The following PTPRN2 variants were observed in gnomAD, a reference collection of about 807,000 sequenced individuals.
PTPRN2 encodes the protein protein tyrosine phosphatase receptor type N2, also known as receptor-type tyrosine-protein phosphatase N2.
PTPRN2 carries 74 observed loss-of-function variants against 118.8 expected under a neutral mutation model. The ratio of observed to expected loss-of-function variants is 0.62; its 90% confidence interval spans 0.52 to 0.76. PTPRN2 has a LOEUF of 0.76. PTPRN2 is among the 30% of genes least tolerant of loss of function. PTPRN2 has a pLI of 0.00. For missense variants in PTPRN2, 1,481 were observed against 1,394.4 expected, an observed-to-expected ratio of 1.06 and a Z score of -0.99; for synonymous variants, 641 against 608.0, an observed-to-expected ratio of 1.05 and a Z score of -0.80.
intron 11 of PTPRN2, among the ~76,000 whole-genome samples, chr7:157,996,653 C>A (rs990237828): frequency 3.3e-5 from 5 of 152,232 alleles, no homozygotes; most frequent in African/African-American, 1.2e-4. Context: ...TAACTGAGAA[C>A]AGGGTCAGGG....
intron 12 of PTPRN2, among the ~76,000 whole-genome samples, chr7:157,815,125 C>T (rs73513226): frequency 2.0e-5 from 3 of 152,248 alleles, no homozygotes; most frequent in African/African-American, 4.8e-5. Flanking sequence ...GCTGGGCCTG[C>T]ATGACCGGTT....
rs958675754 is a variant in PTPRN2 at position 157,868,114 on chromosome 7, C to T, written c.1788+30559G>A. 1.3e-5 allele frequency among the ~76,000 whole-genome samples: 2 copies of T among 152,226 alleles called. No individual in the cohort carries two copies. Among genetic ancestry groups the T allele is most frequent in the East Asian group, 3.8e-4 (2 of 5,202 alleles). ...CATGCACCTTAGAAAGGGCCCGAAACAGTTCACGAGTGGGGTGTGGGCTGT... is the reference window on the plus strand; with the variant it reads ...CATGCACCTTAGAAAGGGCCCGAAATAGTTCACGAGTGGGGTGTGGGCTGT... On this transcript the variant is annotated intron_variant, in intron 12 of 22. Transcript: ENST00000389418. This position sits in a 1 kb window ranked among gnomAD's most constrained non-coding sequence, Gnocchi z 5.2.
At chr7:158,270,795 GGACCACCCCCTCACCTGGA>G (rs1563067418) in intron 3 of PTPRN2, among the ~76,000 whole-genome samples, 1,093 of 71,430 alleles carry the variant, frequency 0.015, 121 homozygotes, top group Middle Eastern at 0.025. Context: ...CCCTCCACCT[GGACCACCCCCTCACCTGGA>G]CCGCCCCCTC....
intron 7 of PTPRN2, among the ~76,000 whole-genome samples, chr7:158,136,957 C>T (rs1234463349): frequency 1.3e-5 from 2 of 151,800 alleles, no homozygotes; most frequent in Non-Finnish European, 2.9e-5. Flanking sequence ...CTCTGGGGGT[C>T]TCACGTGATC....
intron 4 of PTPRN2, among the ~76,000 whole-genome samples, chr7:158,198,598 G>C (rs1318196128): frequency 1.3e-5 from 2 of 152,218 alleles, no homozygotes; most frequent in Non-Finnish European, 2.9e-5. Flanking sequence ...TGTTGTCCCT[G>C]TTCCTGCCTC....
At chr7:158,080,314 CAAAAAAAAAAAAA>C (rs556546951) in intron 11 of PTPRN2, among the ~76,000 whole-genome samples, 3 of 72,226 alleles carry the variant, frequency 4.2e-5, no homozygotes, top group African/African-American at 1.2e-4. Context: ...CAAATTTAAG[CAAAAAAAAAAAAA>C]AAAAAAAAAA....
intron 12 of PTPRN2, among the ~76,000 whole-genome samples, chr7:157,722,501 C>T (rs1057150355): frequency 9.9e-5 from 15 of 152,170 alleles, no homozygotes; most frequent in Non-Finnish European, 2.1e-4. Flanking sequence ...TGCAGACGAG[C>T]AGTGAATGAA....
At chr7:158,296,192 T>C (rs1433457306) in intron 3 of PTPRN2, among the ~76,000 whole-genome samples, 4 of 152,036 alleles carry the variant, frequency 2.6e-5, no homozygotes, top group Non-Finnish European at 5.9e-5. Flanking sequence ...CCTGAGACCC[T>C]AGCAGGCAGA....
intron 12 of PTPRN2, among the ~76,000 whole-genome samples, chr7:157,711,725 G>C (rs10250901): frequency 0.67 from 101,194 of 151,398 alleles, 33,984 homozygotes; most frequent in South Asian, 0.78. Context: ...CCTGGTCTCC[G>C]TCACTGGGAC....
chr7:158,475,084 C>T (rs1820144194), intron 2 of PTPRN2, among the ~76,000 whole-genome samples: 1 of 152,202 alleles, frequency 6.6e-6, no homozygotes, highest in African/African-American at 2.4e-5. Context: ...AGTCTCCAAC[C>T]TTCTCATGCA....
chr7:157,922,435 C>A (rs1339796528), intron 11 of PTPRN2, among the ~76,000 whole-genome samples: 1 of 152,122 alleles, frequency 6.6e-6, no homozygotes, highest in African/African-American at 2.4e-5. Context: ...TGAGACCACA[C>A]CTGCGGCAAA....
intron 10 of PTPRN2, among the ~76,000 whole-genome samples, chr7:158,109,651 CACCCCTGTGTGAAAGGCTCAGTGAGTG>C (rs1169213589): frequency 2.6e-5 from 4 of 151,178 alleles, no homozygotes; most frequent in East Asian, 2.0e-4. Context: ...TGAATGATGT[CACCCCTGTGTGAAAGGCTCAGTGAGTG>C]ATGTCACCCC....
intron 5 of PTPRN2, among the ~76,000 whole-genome samples, chr7:158,179,533 G>C (rs1824512930): frequency 1.3e-5 from 2 of 152,082 alleles, no homozygotes; most frequent in East Asian, 1.9e-4. Flanking sequence ...ATTTGCTTTT[G>C]GGGTCTTACC....
chr7:158,365,830 A>C, intron 2 of PTPRN2, among the ~76,000 whole-genome samples: 1 of 71,210 alleles, frequency 1.4e-5, no homozygotes, highest in East Asian at 4.2e-4. Flanking sequence ...AGACCAGTGC[A>C]TGCGTGCACA....
intron 5 of PTPRN2, among the ~76,000 whole-genome samples, chr7:158,169,456 G>A (rs1455278813): frequency 6.8e-6 from 1 of 146,474 alleles, no homozygotes; most frequent in Non-Finnish European, 1.5e-5. Flanking sequence ...GTGTGTGTGT[G>A]TTTTAGTAGA....
intron 11 of PTPRN2, among the ~76,000 whole-genome samples, chr7:157,905,024 G>A (rs565534323): frequency 1.9e-4 from 29 of 152,262 alleles, no homozygotes; most frequent in African/African-American, 6.3e-4. Context: ...CTAAATGGCC[G>A]CGTGGATTCC....
chr7:157,819,352 C>T (rs1244694295), intron 12 of PTPRN2, among the ~76,000 whole-genome samples: 1 of 152,218 alleles, frequency 6.6e-6, no homozygotes, highest in Non-Finnish European at 1.5e-5. Context: ...CTCCGCTCAG[C>T]TGGCTCTGTC....
intron 1 of PTPRN2, among the ~76,000 whole-genome samples, chr7:158,532,166 GC>G (rs1825291858): frequency 6.6e-6 from 1 of 152,246 alleles, no homozygotes; most frequent in African/African-American, 2.4e-5. Flanking sequence ...GGAGGGAGGT[GC>G]AGACCGCTTC....
chr7:158,267,784 C>G (rs1797981383), intron 3 of PTPRN2, among the ~76,000 whole-genome samples: 1 of 152,206 alleles, frequency 6.6e-6, no homozygotes, highest in Non-Finnish European at 1.5e-5. Context: ...AACCCAACCT[C>G]TATGCCAGGC....
Sources: gnomAD v4.1 joint callset for allele counts (sites outside exome capture counted in the v4.1 genomes callset) on GRCh38, gnomAD v4.1.1 for gene constraint, Gnocchi (gnomAD v3.1) non-coding constraint, MANE v1.5 for transcripts, NCBI Gene and HGNC (gene_info 2026-07-23, HGNC 2026-07-21) for gene names.